The following FAM135A variants were observed in gnomAD, a reference collection of about 807,000 sequenced individuals.
The protein encoded by FAM135A is protein FAM135A.
A neutral mutation model predicts 146.8 loss-of-function variants in FAM135A; 79 were observed. That is an observed-to-expected ratio of 0.54 (90% CI 0.45 to 0.65). FAM135A has a LOEUF of 0.65. FAM135A is among the 30% of genes least tolerant of loss of function. The pLI is 0.00. For missense variants in FAM135A, 1,623 were observed against 1,758.2 expected, an observed-to-expected ratio of 0.92 and a Z score of 1.38; for synonymous variants, 562 against 603.6, an observed-to-expected ratio of 0.93 and a Z score of 1.01.
rs747233236 is a variant in FAM135A at position 70,464,658 on chromosome 6, CTTTTTTTTCT to C, written c.158-10743_158-10734del. The stretch of plus-strand genomic sequence containing the variant: ...TTTAAATTTCTTTCTTTCTTTCTTT[CTTTTTTTTCT>C]TTTTTTTTTTTTTTTGAGACAGTCT... On this transcript the variant is annotated intron_variant, in intron 5 of 21. Coordinates refer to ENST00000418814, the MANE Select transcript of FAM135A (RefSeq NM_001162529.3). 1.9e-4 allele frequency among the ~76,000 whole-genome samples: 19 copies of C among 100,452 alleles called. 2 individuals are homozygous for C. The highest frequency in any genetic ancestry group is 2.9e-4 in the South Asian group (1 of 3,444). The allele number at this position is 100,452 out of a possible 152,430, so 65.9% of individuals were successfully genotyped here. A position where few individuals can be genotyped will look rare whatever the true frequency, so the allele number is the denominator to read the frequency against.
At position 70,546,829 on chromosome 6, in the gene FAM135A, T is replaced by C. The variant is rs538775146; in HGVS notation, c.4228+8428T>C. Among the ~76,000 whole-genome samples the C allele has an allele frequency of 7.9e-5, 12 of 152,284 alleles. No individual in the cohort carries two copies. In the East Asian group the frequency reaches 2.3e-3, roughly 29 times the overall value. On this transcript the variant is annotated intron_variant, in intron 20 of 21. Coordinates refer to ENST00000418814, the MANE Select transcript of FAM135A (RefSeq NM_001162529.3). The stretch of plus-strand genomic sequence containing the variant: ...ATTGCTAACAGAATATGTAAATAAT[T>C]TGCAGGTGGCATACAAGCATCTCAG...
At chr6:70,413,888 G>T (rs1766847005) in intron 1 of FAM135A, 186 bp downstream of exon 1, 2 of 985,298 alleles carry the variant, frequency 2.0e-6, no homozygotes, top group African/African-American at 1.7e-5. Context: ...GGTCGGTGGG[G>T]ACGGCGGTGC....
rs1406557953 is a variant in FAM135A at position 70,525,966 on chromosome 6, C to T, written c.2882C>T (p.Thr961Ile). ...AGTCCTGATAAATCTAATAACTCTA[C>T]AGGGACAGCAATTACATTAAATTCA... The part of the protein sequence containing the change: ...FQSPDKSNNS[T>I]GTAITLNSKL... Residue 961 changes from threonine to isoleucine, a missense_variant, in exon 15 of 22, where the codon ACA becomes ATA. Thr to Ile is a moderately conservative substitution (Grantham distance 89, BLOSUM62 -1). Transcript: ENST00000418814. The T allele has an allele frequency of 1.2e-6, 2 of 1,613,284 alleles. No individual in the cohort carries two copies. Among genetic ancestry groups the T allele is most frequent in the South Asian group, 1.1e-5 (1 of 91,004 alleles).
intron 12 of FAM135A, among the ~76,000 whole-genome samples, chr6:70,513,804 T>G (rs1391822048): frequency 1.3e-5 from 2 of 152,048 alleles, no homozygotes; most frequent in Non-Finnish European, 2.9e-5. Flanking sequence ...CTGACAGTTT[T>G]CTCCCTCTGT....
At chr6:70,520,022 C>T (rs1029224698) in intron 12 of FAM135A, among the ~76,000 whole-genome samples, 1 of 151,874 alleles carries the variant, frequency 6.6e-6, no homozygotes, top group Non-Finnish European at 1.5e-5. Flanking sequence ...ATTAAAAGAC[C>T]TCAAGTATTA....
At chr6:70,540,276 C>A (rs1289357399) in intron 20 of FAM135A, among the ~76,000 whole-genome samples, 1 of 151,494 alleles carries the variant, frequency 6.6e-6, no homozygotes, top group Non-Finnish European at 1.5e-5. Flanking sequence ...TTCTCTCACT[C>A]CCTTCTCATC....
At position 70,492,769 on chromosome 6, in the gene FAM135A, A is replaced by T. The variant is rs547824244; in HGVS notation, c.873+1686A>T. Among the ~76,000 whole-genome samples, 3 of 152,016 alleles carry T rather than the reference A, an allele frequency of 2.0e-5. No individual in the cohort carries two copies. The South Asian group carries it at 6.2e-4, about 31-fold the overall frequency. On this transcript the variant is annotated intron_variant, in intron 11 of 21. Coordinates refer to ENST00000418814, the MANE Select transcript of FAM135A (RefSeq NM_001162529.3). ...CTTACTGGAAACCAGGGGAATGCAGATTCTAATAGGTTATTTTTTTTGCCT... is the reference window on the plus strand; with the variant it reads ...CTTACTGGAAACCAGGGGAATGCAGTTTCTAATAGGTTATTTTTTTTGCCT...
intron 12 of FAM135A, among the ~76,000 whole-genome samples, chr6:70,519,434 A>G (rs1793045860): frequency 6.6e-6 from 1 of 152,248 alleles, no homozygotes; most frequent in South Asian, 2.1e-4. Flanking sequence ...GTGGCGAGTC[A>G]AGAGGATTGA....
At chr6:70,536,162 A>G (rs1320634177) in intron 18 of FAM135A, 98 bp from the exon 19 acceptor site, 29 of 1,163,260 alleles carry the variant, frequency 2.5e-5, no homozygotes, top group African/African-American at 1.4e-4. Flanking sequence ...GAAATTTTCA[A>G]ATTGTTAGTA....
At position 70,426,109 on chromosome 6, in the gene FAM135A, C is replaced by CAA. The variant is rs543932611; in HGVS notation, c.-133-319_-133-318dup. On this transcript the variant is annotated intron_variant, in intron 2 of 21. Coordinates refer to ENST00000418814, the MANE Select transcript of FAM135A (RefSeq NM_001162529.3). ...TGGGCGACAGAGCGAGACTCCGTCT[C>CAA]AAAAAAAAAAAACAACAACAAAAAA... Among the ~76,000 whole-genome samples the CAA allele has an allele frequency of 2.4e-3, 229 of 95,880 alleles. 2 individuals carry two copies. Among genetic ancestry groups the CAA allele is most frequent in the African/African-American group, 8.5e-3 (218 of 25,726 alleles). 62.9% of individuals were successfully genotyped at this position (95,880 alleles called of 152,430 possible).
intron 12 of FAM135A, among the ~76,000 whole-genome samples, chr6:70,515,861 G>A (rs1321991080): frequency 6.6e-6 from 1 of 151,868 alleles, no homozygotes; most frequent in African/African-American, 2.4e-5. Context: ...TGGGGAAGAG[G>A]GCAATATGGA....
chr6:70,432,227 A>G (rs1771832184), intron 4 of FAM135A, among the ~76,000 whole-genome samples: 1 of 152,128 alleles, frequency 6.6e-6, no homozygotes, highest in Admixed American at 6.5e-5. Flanking sequence ...GTTTTCTGAC[A>G]ATGGAAAAAA....
chr6:70,524,385 C>T lies in FAM135A; in HGVS notation c.1301C>T (p.Ser434Leu), dbSNP rs762837050. Residue 434 changes from serine (S) to leucine (L), a missense_variant, in exon 15 of 22, where the codon TCA becomes TTA. Physicochemically the swap from Ser to Leu is moderately radical, Grantham distance 145. Around this residue, in one of 7 missense-constraint regions of FAM135A, gnomAD observed 1,061 missense variants for 1,113.8 expected, o/e 0.95. Transcript: ENST00000418814. ...ATGGGAATTCAGAATCTTCAGAGAT[C>T]AGAGTCCAGTAAAATGGATAAATAT... ...PWMGIQNLQR[S>L]ESSKMDKYET... The T allele has an allele frequency of 1.3e-6, 2 of 1,510,138 alleles. No homozygotes were observed. The highest frequency in any genetic ancestry group is 2.8e-5 in the African/African-American group (2 of 70,520). 93.5% of individuals were successfully genotyped at this position (1,510,138 alleles called of 1,614,324 possible). A position where few individuals can be genotyped will look rare whatever the true frequency, so the allele number is the denominator to read the frequency against.
chr6:70,435,452 T>A (rs957826579), intron 4 of FAM135A, among the ~76,000 whole-genome samples: 2 of 152,128 alleles, frequency 1.3e-5, no homozygotes, highest in Non-Finnish European at 2.9e-5. Context: ...ACCATGGAAC[T>A]TAAATCCTTT....
chr6:70,537,272 T>A lies in FAM135A; in HGVS notation c.4117+861T>A, dbSNP rs531203398. Among the ~76,000 whole-genome samples the A allele has an allele frequency of 2.0e-5, 3 of 152,288 alleles. No homozygotes were observed. In the East Asian group the frequency reaches 5.8e-4, roughly 29 times the overall value. Reference sequence around the variant, plus strand: ...TGTTTGGCTTGGTTTTTCCCTTAGATGTTTGCAAAAATGATCTATAAATTA... The same window carrying A: ...TGTTTGGCTTGGTTTTTCCCTTAGAAGTTTGCAAAAATGATCTATAAATTA... On this transcript the variant is annotated intron_variant, in intron 19 of 21. Transcript: ENST00000418814.
intron 5 of FAM135A, among the ~76,000 whole-genome samples, chr6:70,472,030 G>A (rs1324380570): frequency 2.0e-5 from 3 of 152,094 alleles, no homozygotes; most frequent in Admixed American, 6.5e-5. Context: ...ATAGTGAGTG[G>A]TACTGTGCTG....
chr6:70,417,872 G>A (rs911165620), intron 2 of FAM135A, among the ~76,000 whole-genome samples: 2 of 152,046 alleles, frequency 1.3e-5, no homozygotes, highest in Admixed American at 1.3e-4. Flanking sequence ...AACAGCCTCA[G>A]GTTTACTATA....
At chr6:70,474,243 C>A (rs1307299440) in intron 5 of FAM135A, among the ~76,000 whole-genome samples, 1 of 152,112 alleles carries the variant, frequency 6.6e-6, no homozygotes, top group Admixed American at 6.5e-5. Context: ...AGCTCCAAAC[C>A]CACCTTGATC....
chr6:70,519,029 G>T (rs558437530), intron 12 of FAM135A, among the ~76,000 whole-genome samples: 1 of 152,302 alleles, frequency 6.6e-6, no homozygotes, highest in South Asian at 2.1e-4. Flanking sequence ...GTGGATCTGG[G>T]CAAAAGGAAA....
Sources: allele counts gnomAD v4.1 joint callset (sites outside exome capture counted in the v4.1 genomes callset), GRCh38; gene constraint gnomAD v4.1.1; regional missense constraint gnomAD v4.1.1; transcripts MANE v1.5; gene names NCBI Gene and HGNC (gene_info 2026-07-23, HGNC 2026-07-21).